RTL4: variants seen among roughly 807,000 people sequenced by gnomAD.
The protein encoded by RTL4 is retrotransposon Gag like 4.
A neutral mutation model predicts 5.3 loss-of-function variants in RTL4; 4 were observed. The ratio of observed to expected loss-of-function variants is 0.75; its 90% CI spans 0.37 to 1.72. The LOEUF is 1.72. Ranked by LOEUF, RTL4 falls within the 40% of genes most tolerant of loss-of-function variation. The pLI is 0.04. For missense variants in RTL4, 260 were observed against 227.1 expected, an observed-to-expected ratio of 1.14 and a Z score of -0.93; for synonymous variants, 98 against 87.3, an observed-to-expected ratio of 1.12 and a Z score of -0.68.
the RTL4 span, among the ~76,000 whole-genome samples, chrX:112,337,315 G>A: frequency 2.1e-4 from 23 of 111,455 alleles, no homozygotes; most frequent in Non-Finnish European, 4.3e-4. Context: ...ATGGAATCTG[G>A]CACTGTTGCC....
the RTL4 span, among the ~76,000 whole-genome samples, chrX:112,291,646 G>T: frequency 9.1e-6 from 1 of 109,422 alleles, no homozygotes; most frequent in East Asian, 2.9e-4. Flanking sequence ...ACCCAGGCTG[G>T]AGTGCAGTGG....
At chrX:112,236,987 T>C in the RTL4 span, among the ~76,000 whole-genome samples, 2 of 110,905 alleles carry the variant, frequency 1.8e-5, no homozygotes, top group African/African-American at 6.6e-5. Flanking sequence ...AATGATGCAA[T>C]TGCTGGCTTT....
At chrX:112,207,154 G>A in the RTL4 span, among the ~76,000 whole-genome samples, 1 of 111,477 alleles carries the variant, frequency 9.0e-6, no homozygotes, top group African/African-American at 3.3e-5. Flanking sequence ...ACCAGCCCCA[G>A]GACTAATCCT....
the RTL4 span, among the ~76,000 whole-genome samples, chrX:112,334,396 T>C: frequency 1.2e-4 from 13 of 111,831 alleles, no homozygotes; most frequent in Non-Finnish European, 2.4e-4. Flanking sequence ...GTAGTGGTTG[T>C]ACTAATTTAT....
At chrX:112,335,670 T>TAGGC in the RTL4 span, among the ~76,000 whole-genome samples, 1 of 110,528 alleles carries the variant, frequency 9.0e-6, no homozygotes, top group East Asian at 2.8e-4. Context: ...ACCCAAGGCT[T>TAGGC]ATCTAAGAAT....
chrX:112,204,123 A>G, the RTL4 span, among the ~76,000 whole-genome samples: 1 of 112,808 alleles, frequency 8.9e-6, no homozygotes, highest in Non-Finnish European at 1.9e-5. Flanking sequence ...AACTACAATG[A>G]GATATCATCT....
the RTL4 span, among the ~76,000 whole-genome samples, chrX:112,233,187 A>G: frequency 8.9e-6 from 1 of 111,866 alleles, no homozygotes; most frequent in Non-Finnish European, 1.9e-5. Context: ...CAGAGTGTAA[A>G]CTTGTCGAAA....
At chrX:112,245,492 A>C in the RTL4 span, among the ~76,000 whole-genome samples, 1 of 111,424 alleles carries the variant, frequency 9.0e-6, no homozygotes, top group Admixed American at 9.5e-5. Flanking sequence ...TGAATTGGCT[A>C]CTGTCACTTG....
chrX:112,388,672 T>C, the RTL4 span, among the ~76,000 whole-genome samples: 9 of 112,387 alleles, frequency 8.0e-5, no homozygotes, highest in South Asian at 1.8e-3. Flanking sequence ...GAGATAACTC[T>C]GTGGTTTTTG....
At chrX:112,382,218 A>C in the RTL4 span, 1 of 1,141,571 alleles carries the variant, frequency 8.8e-7, no homozygotes, top group Non-Finnish European at 1.2e-6. Context: ...GGATTAATCC[A>C]AAGTAACTCC....
chrX:112,366,214 C>G, the RTL4 span, among the ~76,000 whole-genome samples: 1 of 111,378 alleles, frequency 9.0e-6, no homozygotes, highest in African/African-American at 3.3e-5. Flanking sequence ...TTAAGTAAGT[C>G]ACTTATTTTT....
the RTL4 span, among the ~76,000 whole-genome samples, chrX:112,096,788 C>T: frequency 8.9e-6 from 1 of 112,082 alleles, no homozygotes; most frequent in Non-Finnish European, 1.9e-5. Context: ...CAAGTAGATA[C>T]TCTGTGAGAG....
chrX:112,401,610 A>C, the RTL4 span, among the ~76,000 whole-genome samples: 2,058 of 90,537 alleles, frequency 0.023, 47 homozygotes, highest in African/African-American at 0.094. Flanking sequence ...CTTTAGAAAA[A>C]TTCTAGACTT....
chrX:112,348,087 A>T, the RTL4 span, among the ~76,000 whole-genome samples: 1 of 111,450 alleles, frequency 9.0e-6, no homozygotes. Context: ...TCTAAGTCGA[A>T]TCTTACAGAG....
chrX:112,363,344 G>A, the RTL4 span, among the ~76,000 whole-genome samples: 13 of 111,216 alleles, frequency 1.2e-4, no homozygotes, highest in Non-Finnish European at 1.9e-4. Context: ...AGTGCTATCT[G>A]CATTGACATT....
chrX:112,394,151 G>A, the RTL4 span, among the ~76,000 whole-genome samples: 1 of 111,108 alleles, frequency 9.0e-6, no homozygotes, highest in Non-Finnish European at 1.9e-5. Flanking sequence ...AGGTTCTCTG[G>A]GTTTGGGAGG....
the RTL4 span, among the ~76,000 whole-genome samples, chrX:112,413,398 A>C: frequency 4.5e-5 from 5 of 111,682 alleles, no homozygotes; most frequent in African/African-American, 1.6e-4. Flanking sequence ...AGAGATCTGC[A>C]CTCCAATGTT....
chrX:112,380,405 G>T, the RTL4 span, among the ~76,000 whole-genome samples: 6 of 111,650 alleles, frequency 5.4e-5, no homozygotes, highest in Non-Finnish European at 7.5e-5. Context: ...GCCCGCCTCG[G>T]CCTCCCAAAG....
At chrX:112,111,171 CT>C in the RTL4 span, among the ~76,000 whole-genome samples, 1 of 111,658 alleles carries the variant, frequency 9.0e-6, no homozygotes, top group Non-Finnish European at 1.9e-5. Context: ...CTCTTTGTCT[CT>C]GTCTCTTCCT....
Sources: gnomAD v4.1 joint callset for allele counts (sites outside exome capture counted in the v4.1 genomes callset) on GRCh38, gnomAD v4.1.1 for gene constraint, MANE v1.5 for transcripts, NCBI Gene and HGNC (gene_info 2026-07-23, HGNC 2026-07-21) for gene names.